The following XKR9 variants were observed in gnomAD, a reference collection of about 807,000 sequenced individuals.
The protein encoded by XKR9 is XK related 9.
In XKR9, 32 loss-of-function variants were observed where a neutral mutation model predicts 32.0. The observed-to-expected ratio is 1.00, with a 90% CI of 0.76 to 1.34. The LOEUF is 1.34. XKR9 is among the 40% of genes most tolerant of loss of function. XKR9 has a pLI of 0.00. For synonymous variants in XKR9, 168 were observed against 143.4 expected (o/e 1.17, Z -1.22); for missense variants, 546 against 429.7 (o/e 1.27, Z -2.39).
At chr8:70,888,258 T>C in the XKR9 span, among the ~76,000 whole-genome samples, 1 of 152,042 alleles carries the variant, frequency 6.6e-6, no homozygotes, top group African/African-American at 2.4e-5. Context: ...GAGCGATATC[T>C]ATTCAGCTTA....
At chr8:70,835,406 C>T in the XKR9 span, among the ~76,000 whole-genome samples, 1 of 152,178 alleles carries the variant, frequency 6.6e-6, no homozygotes, top group Admixed American at 6.6e-5. Context: ...CCACAGGCTT[C>T]AGAGTGTAAA....
At chr8:70,776,626 C>G (rs762997902) in intron 2 of XKR9, among the ~76,000 whole-genome samples, 15 of 152,098 alleles carry the variant, frequency 9.9e-5, no homozygotes, top group Non-Finnish European at 1.9e-4. Flanking sequence ...GTGGCAGACA[C>G]TTGGCTGCAG....
At chr8:70,976,126 C>T in the XKR9 span, among the ~76,000 whole-genome samples, 1 of 152,158 alleles carries the variant, frequency 6.6e-6, no homozygotes, top group Non-Finnish European at 1.5e-5. Context: ...TGCTTATCAG[C>T]TTAAGGAGAT....
the XKR9 span, among the ~76,000 whole-genome samples, chr8:70,984,705 A>G: frequency 6.6e-6 from 1 of 152,230 alleles, no homozygotes; most frequent in South Asian, 2.1e-4. Flanking sequence ...AATCACTGGT[A>G]TAGCAAGTAG....
the XKR9 span, among the ~76,000 whole-genome samples, chr8:70,811,758 G>C: frequency 7.9e-5 from 12 of 152,238 alleles, no homozygotes; most frequent in Middle Eastern, 3.4e-3. Flanking sequence ...TTGAATCTCA[G>C]AATAGACCAA....
chr8:70,724,726 A>G (rs908066581), intron 4 of XKR9, among the ~76,000 whole-genome samples: 3 of 152,042 alleles, frequency 2.0e-5, no homozygotes, highest in Admixed American at 6.6e-5. Context: ...ACCAGTCCCA[A>G]TGAGATGAAC....
At chr8:70,810,464 C>A in the XKR9 span, among the ~76,000 whole-genome samples, 55 of 152,176 alleles carry the variant, frequency 3.6e-4, no homozygotes, top group African/African-American at 1.3e-3. Context: ...TGTAAATGGG[C>A]GAAATGCTCC....
chr8:71,011,542 A>ATCTTAACCTGGGATT, the XKR9 span, among the ~76,000 whole-genome samples: 1 of 152,256 alleles, frequency 6.6e-6, no homozygotes, highest in South Asian at 2.1e-4. Context: ...CATGTTAAGC[A>ATCTTAACCTGGGATT]TAAAGTTTAA....
the XKR9 span, among the ~76,000 whole-genome samples, chr8:70,913,101 CA>C: frequency 6.6e-6 from 1 of 152,130 alleles, no homozygotes; most frequent in Non-Finnish European, 1.5e-5. Context: ...GCATCACAAC[CA>C]GTTAAGGTAT....
chr8:71,061,832 A>T, the XKR9 span, among the ~76,000 whole-genome samples: 1 of 152,226 alleles, frequency 6.6e-6, no homozygotes, highest in African/African-American at 2.4e-5. Flanking sequence ...GGAAGGTGGG[A>T]TGACAATTCT....
chr8:70,761,120 G>A (rs1807303250), intron 2 of XKR9, among the ~76,000 whole-genome samples: 1 of 152,146 alleles, frequency 6.6e-6, no homozygotes, highest in Non-Finnish European at 1.5e-5. Flanking sequence ...CCATTGATGG[G>A]CATTTAGGTT....
At chr8:70,710,445 A>G (rs1805874019) in intron 4 of XKR9, among the ~76,000 whole-genome samples, 1 of 152,180 alleles carries the variant, frequency 6.6e-6, no homozygotes, top group Non-Finnish European at 1.5e-5. Context: ...TCATGCCTGT[A>G]ATCACAGCAC....
chr8:70,773,522 G>T (rs1362487686), intron 2 of XKR9, among the ~76,000 whole-genome samples: 1 of 152,090 alleles, frequency 6.6e-6, no homozygotes, highest in Non-Finnish European at 1.5e-5. Flanking sequence ...GCCTCAACAT[G>T]TACATTTTGG....
chr8:70,789,074 C>T (rs1807728912), intron 2 of XKR9, among the ~76,000 whole-genome samples: 1 of 151,980 alleles, frequency 6.6e-6, no homozygotes, highest in African/African-American at 2.4e-5. Flanking sequence ...ATTTACATCA[C>T]CAGTGATCTC....
At chr8:71,015,557 A>G in the XKR9 span, among the ~76,000 whole-genome samples, 1 of 152,184 alleles carries the variant, frequency 6.6e-6, no homozygotes, top group African/African-American at 2.4e-5. Context: ...GTCATTCAGC[A>G]CTTATGGCCT....
At chr8:70,777,305 C>T (rs1226843090) in intron 2 of XKR9, among the ~76,000 whole-genome samples, 12 of 151,940 alleles carry the variant, frequency 7.9e-5, no homozygotes, top group East Asian at 1.9e-4. Context: ...TTTATGGCTG[C>T]GTAGTATTCC....
At chr8:70,905,444 T>A in the XKR9 span, among the ~76,000 whole-genome samples, 1 of 152,210 alleles carries the variant, frequency 6.6e-6, no homozygotes, top group East Asian at 1.9e-4. Context: ...CTCACGTAGT[T>A]CTCATGCCAT....
At chr8:70,758,558 T>G (rs950432729) in intron 2 of XKR9, among the ~76,000 whole-genome samples, 1 of 152,166 alleles carries the variant, frequency 6.6e-6, no homozygotes, top group Non-Finnish European at 1.5e-5. Context: ...TTTTAAAAAA[T>G]ATGGGATTAC....
the XKR9 span, among the ~76,000 whole-genome samples, chr8:71,051,376 T>C: frequency 6.6e-6 from 1 of 152,226 alleles, no homozygotes; most frequent in Non-Finnish European, 1.5e-5. Context: ...TAAAAACTCA[T>C]CTCTACAGAT....
Sources: allele counts gnomAD v4.1 joint callset (sites outside exome capture counted in the v4.1 genomes callset), GRCh38; gene constraint gnomAD v4.1.1; transcripts MANE v1.5; gene names NCBI Gene and HGNC (gene_info 2026-07-23, HGNC 2026-07-21).